ZMYM2: variants seen among roughly 807,000 people sequenced by gnomAD.
The protein encoded by ZMYM2 is zinc finger MYM-type protein 2.
Under a neutral mutation model 162.8 loss-of-function variants are expected in ZMYM2, and 56 were observed. The observed-to-expected ratio is 0.34, with a 90% confidence interval of 0.28 to 0.43. ZMYM2 has a LOEUF of 0.43. Ranked by LOEUF, ZMYM2 falls within the 20% of genes least tolerant of loss-of-function variation. The pLI is 1.00. For synonymous variants in ZMYM2, 510 were observed against 541.6 expected (o/e 0.94, Z 0.81); for missense variants, 1,275 against 1,621.8 (o/e 0.79, Z 3.67).
At chr13:20,003,587 A>G (rs902787193) in intron 4 of ZMYM2, among the ~76,000 whole-genome samples, 3 of 151,946 alleles carry the variant, frequency 2.0e-5, no homozygotes, top group Non-Finnish European at 2.9e-5. Flanking sequence ...AGCCAGCCTT[A>G]GAAAGGCAGG....
At chr13:20,039,889 A>G (rs1232362075) in intron 12 of ZMYM2, among the ~76,000 whole-genome samples, 3 of 152,190 alleles carry the variant, frequency 2.0e-5, no homozygotes, top group Non-Finnish European at 2.9e-5. Context: ...AATCACATTT[A>G]TTGATTTGCG....
At chr13:19,880,460 ACT>A in the ZMYM2 span, among the ~76,000 whole-genome samples, 4 of 150,668 alleles carry the variant, frequency 2.7e-5, no homozygotes, top group African/African-American at 4.9e-5. Context: ...ATGGAGTCTC[ACT>A]CTGTCACCCA....
At chr13:19,896,790 G>C in the ZMYM2 span, among the ~76,000 whole-genome samples, 61 of 150,320 alleles carry the variant, frequency 4.1e-4, 1 homozygote, top group Non-Finnish European at 6.4e-4. Context: ...AAAAAGAATG[G>C]AATCCACTGG....
intron 21 of ZMYM2, among the ~76,000 whole-genome samples, chr13:20,072,851 A>G (rs974915240): frequency 1.3e-5 from 2 of 150,658 alleles, no homozygotes; most frequent in Non-Finnish European, 3.0e-5. Flanking sequence ...GTTTGGTAAT[A>G]TTTTCTTATT....
intron 14 of ZMYM2, among the ~76,000 whole-genome samples, chr13:20,054,807 C>G (rs1955654551): frequency 1.3e-5 from 2 of 152,114 alleles, no homozygotes; most frequent in South Asian, 4.1e-4. Flanking sequence ...CAGTTAAGAG[C>G]GAACTTTCCT....
the ZMYM2 span, among the ~76,000 whole-genome samples, chr13:19,944,603 A>G: frequency 6.6e-6 from 1 of 152,196 alleles, no homozygotes; most frequent in Non-Finnish European, 1.5e-5. Flanking sequence ...GCTGGAGGCT[A>G]CTTGAGCAGG....
chr13:20,068,695 T>G (rs1956861958), intron 21 of ZMYM2, among the ~76,000 whole-genome samples: 1 of 152,006 alleles, frequency 6.6e-6, no homozygotes. Flanking sequence ...TGAAATTGTC[T>G]TGGTCCTCTA....
At chr13:19,947,138 T>C in the ZMYM2 span, among the ~76,000 whole-genome samples, 1 of 152,168 alleles carries the variant, frequency 6.6e-6, no homozygotes, top group Admixed American at 6.5e-5. Context: ...GCCTCCTGGG[T>C]TCACGCCATT....
intron 12 of ZMYM2, among the ~76,000 whole-genome samples, chr13:20,042,127 C>T (rs1361251295): frequency 6.6e-6 from 1 of 152,168 alleles, no homozygotes; most frequent in Non-Finnish European, 1.5e-5. Context: ...GGGAAGTTCT[C>T]ATGGATGATA....
At chr13:20,061,324 T>TA in intron 17 of ZMYM2, 100 bp downstream of exon 17, 1 of 1,297,158 alleles carries the variant, frequency 7.7e-7, no homozygotes, top group Non-Finnish European at 1.0e-6. Flanking sequence ...TGTTTCAACT[T>TA]ATGTGGGGGT....
At chr13:20,033,774 G>T (rs1056482748) in intron 10 of ZMYM2, among the ~76,000 whole-genome samples, 1 of 152,162 alleles carries the variant, frequency 6.6e-6, no homozygotes, top group Non-Finnish European at 1.5e-5. Context: ...TCAGCAGCAC[G>T]CTGTGTGATG....
At chr13:19,880,395 T>C in the ZMYM2 span, among the ~76,000 whole-genome samples, 4 of 152,160 alleles carry the variant, frequency 2.6e-5, no homozygotes, top group African/African-American at 9.7e-5. Context: ...ATTTAATTCC[T>C]ATATATTTAT....
At chr13:20,071,624 T>C (rs917067879) in intron 21 of ZMYM2, among the ~76,000 whole-genome samples, 1 of 152,234 alleles carries the variant, frequency 6.6e-6, no homozygotes, top group African/African-American at 2.4e-5. Flanking sequence ...ACTCTCTCTT[T>C]CCACCTGAGA....
chr13:19,881,707 A>G, the ZMYM2 span, among the ~76,000 whole-genome samples: 1 of 152,000 alleles, frequency 6.6e-6, no homozygotes, highest in Non-Finnish European at 1.5e-5. Context: ...AAATTTGGTC[A>G]GGCGCTGTGG....
chr13:20,035,068 C>T (rs150652690), intron 11 of ZMYM2, among the ~76,000 whole-genome samples: 2 of 152,290 alleles, frequency 1.3e-5, no homozygotes, highest in African/African-American at 2.4e-5. Context: ...CTGGCTTTCA[C>T]TTTCTATCTT....
the ZMYM2 span, among the ~76,000 whole-genome samples, chr13:19,868,489 T>C: frequency 2.6e-5 from 4 of 152,214 alleles, no homozygotes; most frequent in Non-Finnish European, 5.9e-5. Flanking sequence ...GAATCTGTCA[T>C]TTTTTCAAAC....
rs1458354671 is a variant in ZMYM2 at position 19,971,616 on chromosome 13, G to A, written c.-11+11590G>A. Among the ~76,000 whole-genome samples, 7 of 152,138 alleles carry A rather than the reference G, an allele frequency of 4.6e-5. No individual in the cohort carries two copies. The South Asian group carries it at 8.3e-4, about 18-fold the overall frequency. On this transcript the variant is annotated intron_variant, in intron 2 of 24. Coordinates refer to ENST00000610343, the MANE Select transcript of ZMYM2 (RefSeq NM_197968.4). Reference sequence around the variant, plus strand: ...TTAGATATTCTGGGGAATATAGTAAGTAATATCAGTATTCCAGCAGAAAAA... The same window carrying A: ...TTAGATATTCTGGGGAATATAGTAAATAATATCAGTATTCCAGCAGAAAAA...
chr13:20,062,095 C>T (rs117799814), intron 17 of ZMYM2, among the ~76,000 whole-genome samples: 95 of 152,208 alleles, frequency 6.2e-4, no homozygotes, highest in Non-Finnish European at 1.1e-3. Flanking sequence ...TAATTCTTAC[C>T]CTTACCCTAG....
the ZMYM2 span, among the ~76,000 whole-genome samples, chr13:19,907,761 C>CA: frequency 0.15 from 5,683 of 39,072 alleles, 2,122 homozygotes; most frequent in Admixed American, 0.17. Context: ...GACTCTGTCT[C>CA]AAAAAAAAAA....
Sources: allele counts gnomAD v4.1 joint callset (sites outside exome capture counted in the v4.1 genomes callset), GRCh38; gene constraint gnomAD v4.1.1; transcripts MANE v1.5; gene names NCBI Gene and HGNC (gene_info 2026-07-23, HGNC 2026-07-21).